Variants in BTBD8 observed in about 807,000 individuals in gnomAD.
The protein encoded by BTBD8 is BTB/POZ domain-containing protein 8.
In BTBD8, 110 loss-of-function variants were observed where a neutral mutation model predicts 162.9. The observed-to-expected ratio is 0.68, with a 90% CI of 0.58 to 0.79. The LOEUF is 0.79. BTBD8 is among the 30% of genes least tolerant of loss of function. BTBD8 has a pLI of 0.00. For synonymous variants in BTBD8, 667 were observed against 716.1 expected, an observed-to-expected ratio of 0.93 and a Z score of 1.10; for missense variants, 1,905 against 2,085.4, an observed-to-expected ratio of 0.91 and a Z score of 1.68.
At chr1:92,160,067 A>T (rs1401700513) in intron 9 of BTBD8, among the ~76,000 whole-genome samples, 1 of 151,292 alleles carries the variant, frequency 6.6e-6, no homozygotes, top group East Asian at 1.9e-4. Context: ...ACTATTTTTC[A>T]TTCTTTGTGT....
chr1:92,146,352 T>G (rs974414852), intron 7 of BTBD8, among the ~76,000 whole-genome samples: 68 of 152,288 alleles, frequency 4.5e-4, no homozygotes, highest in African/African-American at 1.4e-3. Context: ...GGTACAGAGA[T>G]ATCCTACATA....
intron 5 of BTBD8, among the ~76,000 whole-genome samples, chr1:92,138,411 T>C (rs956070108): frequency 6.6e-6 from 1 of 152,238 alleles, no homozygotes; most frequent in East Asian, 1.9e-4. Context: ...GCATTTTAGA[T>C]TTCCGATTTT....
At chr1:92,176,281 G>A (rs1041740416) in intron 13 of BTBD8, among the ~76,000 whole-genome samples, 7 of 152,106 alleles carry the variant, frequency 4.6e-5, no homozygotes, top group Non-Finnish European at 8.8e-5. Context: ...TTCGGTGTGA[G>A]GTTAAAAAAT....
chr1:92,080,988 A>G lies in BTBD8; in HGVS notation c.149+268A>G, dbSNP rs1171831651. On this transcript the variant is annotated intron_variant, in intron 1 of 17. Transcript: ENST00000636805. ...TAGTCGTGTGCAGCACTAGTTTGCT[A>G]GAAATATCTCAACACAGGCACGCTT... Among the ~76,000 whole-genome samples the G allele has an allele frequency of 2.0e-5, 3 of 152,370 alleles. No individual in the cohort carries two copies. The East Asian group carries it at 5.8e-4, about 29-fold the overall frequency.
At chr1:92,143,927 A>G (rs1649839875) in intron 7 of BTBD8, among the ~76,000 whole-genome samples, 1 of 147,116 alleles carries the variant, frequency 6.8e-6, no homozygotes, top group South Asian at 2.2e-4. Flanking sequence ...GTATATTTTT[A>G]TAAATATACT....
rs2100698171 is a variant in BTBD8 at position 92,184,187 on chromosome 1, A to G, written c.5236A>G (p.Thr1746Ala). ...ARDSSKPQGITHIDTLNRWSE... is the reference protein window; with the variant it reads ...ARDSSKPQGIAHIDTLNRWSE... ...AGATAGCTCAAAACCTCAGGGTATA[A>G]CACATATTGACACTTTGAACAGATG... is the stretch of plus-strand genomic sequence containing the variant. Residue 1746 changes from threonine to alanine, a missense_variant, in exon 18 of 18, where the codon ACA becomes GCA. Around this residue, in one of 3 missense-constraint regions of BTBD8, gnomAD observed 517 missense variants for 606.6 expected, o/e 0.85. Transcript: ENST00000636805. 6.4e-7 allele frequency: 1 copy of G among 1,551,578 alleles called. No homozygotes were observed. Among genetic ancestry groups the G allele is most frequent in the Non-Finnish European group, 8.7e-7 (1 of 1,146,852 alleles).
At chr1:92,081,655 C>G (rs920923451) in intron 1 of BTBD8, among the ~76,000 whole-genome samples, 6 of 152,300 alleles carry the variant, frequency 3.9e-5, no homozygotes, top group Middle Eastern at 3.4e-3. Flanking sequence ...CTCACTGCAA[C>G]CTCCACCTCC....
In BTBD8 at chr1:92,097,231, G is replaced by A. The variant is rs546819945; in HGVS notation, c.348-5242G>A. Among the ~76,000 whole-genome samples the A allele has an allele frequency of 1.6e-4, 25 of 151,724 alleles. No homozygotes were observed. In the South Asian group the frequency reaches 3.5e-3, roughly 22 times the overall value. The stretch of plus-strand genomic sequence containing the variant: ...ATCTAAACATGGTATTTTCTCCCCC[G>A]CCTAAAAAATGACTCTTTCCTGACC... On this transcript the variant is annotated intron_variant, in intron 2 of 17. Transcript: ENST00000636805.
At chr1:92,171,320 A>G (rs1304730182) in intron 12 of BTBD8, 79 bp from the exon 13 acceptor site, 8 of 1,035,758 alleles carry the variant, frequency 7.7e-6, no homozygotes, top group Admixed American at 2.5e-5. Flanking sequence ...CCTTTTTTCT[A>G]CTGACATACT....
At chr1:92,170,534 T>C (rs1650509461) in intron 12 of BTBD8, among the ~76,000 whole-genome samples, 1 of 152,132 alleles carries the variant, frequency 6.6e-6, no homozygotes, top group African/African-American at 2.4e-5. Flanking sequence ...TCCTGCTTTG[T>C]CTTATAGCAC....
chr1:92,120,382 A>C (rs1184102665), intron 4 of BTBD8, among the ~76,000 whole-genome samples: 1 of 152,112 alleles, frequency 6.6e-6, no homozygotes, highest in East Asian at 1.9e-4. Context: ...GTTATCTCCT[A>C]ACATGCCTTC....
At chr1:92,096,371 A>T (rs1248324344) in intron 2 of BTBD8, among the ~76,000 whole-genome samples, 3 of 152,102 alleles carry the variant, frequency 2.0e-5, no homozygotes, top group African/African-American at 7.2e-5. Context: ...ATACACCTTC[A>T]ACTCTGTTGT....
chr1:92,156,788 T>A (rs952057931), intron 9 of BTBD8, among the ~76,000 whole-genome samples: 2 of 151,858 alleles, frequency 1.3e-5, no homozygotes, highest in African/African-American at 4.9e-5. Context: ...TAATGCCTCC[T>A]CTTTCATTTT....
chr1:92,108,112 A>C, intron 4 of BTBD8, 111 bp downstream of exon 4: 1 of 1,041,882 alleles, frequency 9.6e-7, no homozygotes, highest in Non-Finnish European at 1.5e-6. Flanking sequence ...CACAGGCCAC[A>C]GGGGTTCCAT....
intron 11 of BTBD8, among the ~76,000 whole-genome samples, chr1:92,168,587 A>G (rs1319822681): frequency 6.6e-6 from 1 of 152,240 alleles, no homozygotes; most frequent in African/African-American, 2.4e-5. Context: ...TTGTAATGTC[A>G]TAGTTGATAT....
At chr1:92,165,191 T>C (rs1650359118) in intron 9 of BTBD8, among the ~76,000 whole-genome samples, 1 of 152,122 alleles carries the variant, frequency 6.6e-6, no homozygotes, top group South Asian at 2.1e-4. Flanking sequence ...ATTAAACTTG[T>C]TATCTTAGAG....
At chr1:92,163,284 G>A (rs1325421721) in intron 9 of BTBD8, among the ~76,000 whole-genome samples, 4 of 137,738 alleles carry the variant, frequency 2.9e-5, no homozygotes, top group African/African-American at 2.7e-5. Context: ...GAACCCGGGA[G>A]GCGGAGCTTG....
intron 6 of BTBD8, 99 bp from the exon 7 acceptor site, chr1:92,141,016 T>C: frequency 8.7e-7 from 1 of 1,155,510 alleles, no homozygotes. Flanking sequence ...TTCAGATTAT[T>C]CTTTTTTAAA....
chr1:92,184,001 G>T lies in BTBD8; in HGVS notation c.5050G>T (p.Asp1684Tyr). The change falls in exon 18 of 18, where the codon GAT becomes TAT. Residue 1684 changes from aspartate (D) to tyrosine (Y), a missense_variant. Asp to Tyr is a radical substitution (Grantham distance 160, BLOSUM62 -3). This residue lies in a region of BTBD8 where 517 missense variants were observed against 606.6 expected (regional missense o/e 0.85). Transcript: ENST00000636805. ...QKVESETHVT[D>Y]MDFEDDQHFA... ...AGTGGAATCAGAAACACATGTTACA[G>T]ATATGGATTTTGAAGATGACCAACA... is the stretch of plus-strand genomic sequence containing the variant. 1 of 1,551,542 alleles carries T rather than the reference G, an allele frequency of 6.4e-7. No homozygotes were observed. Among genetic ancestry groups the T allele is most frequent in the Non-Finnish European group, 8.7e-7 (1 of 1,146,870 alleles).
Sources: allele counts gnomAD v4.1 joint callset (sites outside exome capture counted in the v4.1 genomes callset), GRCh38; gene constraint gnomAD v4.1.1; regional missense constraint gnomAD v4.1.1; transcripts MANE v1.5; gene names NCBI Gene and HGNC (gene_info 2026-07-23, HGNC 2026-07-21).